SPTB: variants seen among roughly 807,000 people sequenced by gnomAD.
The protein encoded by SPTB is spectrin beta chain, erythrocytic.
Under a neutral mutation model 256.2 loss-of-function variants are expected in SPTB, and 45 were observed. The observed-to-expected ratio is 0.18, with a 90% CI of 0.14 to 0.23. The LOEUF is 0.23. Ranked by LOEUF, SPTB falls within the 10% of genes least tolerant of loss-of-function variation. The probability of loss-of-function intolerance (pLI) is 1.00; values close to 1 mark genes in which losing one functional copy is unlikely to be tolerated. For synonymous variants in SPTB, 1,231 were observed against 1,243.1 expected, an observed-to-expected ratio of 0.99 and a Z score of 0.21; for missense variants, 2,715 against 3,040.4, an observed-to-expected ratio of 0.89 and a Z score of 2.52.
In SPTB at chr14:64,764,885, G is replaced by T. The variant is rs1353512373; in HGVS notation, c.6345+1841C>A. Among the ~76,000 whole-genome samples, 1 of 152,136 alleles carries T rather than the reference G, an allele frequency of 6.6e-6. No homozygotes were observed. Among genetic ancestry groups the T allele is most frequent in the African/African-American group, 2.4e-5 (1 of 41,416 alleles). ...CAGACAGGGAGGCGACCCCACATGC[G>T]ATGACGGGAGCTTCGGAGGGAACTT... On this transcript the variant is annotated intron_variant, in intron 32 of 35. Coordinates refer to ENST00000644917, the MANE Select transcript of SPTB (RefSeq NM_001355436.2). This position sits in a 1 kb window ranked among gnomAD's most constrained non-coding sequence, Gnocchi z 4.2.
At chr14:64,875,137 G>A (rs1206926156) in intron 1 of SPTB, among the ~76,000 whole-genome samples, 1 of 152,232 alleles carries the variant, frequency 6.6e-6, no homozygotes, top group African/African-American at 2.4e-5. Context: ...AGGGCTTGCT[G>A]AGGTAGGAAG....
At chr14:64,788,176 C>T (rs960468088) in intron 15 of SPTB, among the ~76,000 whole-genome samples, 10 of 152,174 alleles carry the variant, frequency 6.6e-5, no homozygotes, top group African/African-American at 1.2e-4. Context: ...CAGTTGCTCA[C>T]GTGACCTCCA....
At chr14:64,822,351 T>TTCTCTCTC (rs200994413) in intron 2 of SPTB, among the ~76,000 whole-genome samples, 14 of 8,214 alleles carry the variant, frequency 1.7e-3, no homozygotes, top group African/African-American at 2.6e-3. Context: ...CACCCCCACC[T>TTCTCTCTC]TCTCTCTCTC....
At chr14:64,820,039 C>T (rs374721567) in intron 2 of SPTB, among the ~76,000 whole-genome samples, 27 of 152,254 alleles carry the variant, frequency 1.8e-4, no homozygotes, top group African/African-American at 6.0e-4. Context: ...CATGTTCCTC[C>T]TCACCCCAGG....
chr14:64,771,090 C>T lies in SPTB; in HGVS notation c.5593G>A (p.Ala1865Thr). The T allele has an allele frequency of 6.2e-7, 1 of 1,614,130 alleles. No individual in the cohort carries two copies. The highest frequency in any genetic ancestry group is 1.1e-5 in the South Asian group (1 of 91,090). ...GCCTCTGCCTTCTCCCCAGCATATG[C>T]TGTCTGCAGACGGGTGGCCACGTCC... is the stretch of plus-strand genomic sequence containing the variant. ...FQDVATRLQTAYAGEKAEAIQ... is the reference protein window; with the variant it reads ...FQDVATRLQTTYAGEKAEAIQ... The change falls in exon 27 of 36, where the codon GCA becomes ACA. Residue 1865 changes from alanine to threonine, a missense_variant. Ala to Thr is a moderately conservative substitution (Grantham distance 58, BLOSUM62 0). Around this residue, in one of 4 missense-constraint regions of SPTB, gnomAD observed 2,239 missense variants for 2,384.4 expected, o/e 0.94. Coordinates refer to ENST00000644917, the MANE Select transcript of SPTB (RefSeq NM_001355436.2).
chr14:64,871,013 C>A (rs562307406), intron 1 of SPTB, among the ~76,000 whole-genome samples: 15 of 152,288 alleles, frequency 9.8e-5, no homozygotes, highest in Admixed American at 7.8e-4. Flanking sequence ...GATGGCTGCA[C>A]AGCAATGTGA....
At chr14:64,774,046 G>A (rs2082318662) in intron 24 of SPTB, among the ~76,000 whole-genome samples, 1 of 152,198 alleles carries the variant, frequency 6.6e-6, no homozygotes, top group Non-Finnish European at 1.5e-5. Flanking sequence ...TGAAGTCCTG[G>A]AGACCTTCTG....
intron 1 of SPTB, among the ~76,000 whole-genome samples, chr14:64,830,332 GTCT>G (rs1378337715): frequency 8.1e-5 from 9 of 110,632 alleles, no homozygotes; most frequent in Admixed American, 5.5e-4. Flanking sequence ...AAACTCTGGA[GTCT>G]TATTATTATT....
rs200197418 is a variant in SPTB, at chr14:64,791,796, G to A, written c.2727C>T (p.Leu909=). The part of the protein sequence containing the change: ...TLMTQIDGVN[L]AANSLVESGH... The stretch of plus-strand genomic sequence containing the variant: ...CACTCTCTACCAAGCTGTTGGCAGC[G>A]AGGTTCACACCATCAATCTGAGTCA... Residue 909 remains leucine, a synonymous_variant, in exon 15 of 36, where the codon CTC becomes CTT. Coordinates refer to ENST00000644917, the MANE Select transcript of SPTB (RefSeq NM_001355436.2). 69 of 1,614,124 alleles carry A rather than the reference G, an allele frequency of 4.3e-5. No homozygotes were observed. Among genetic ancestry groups the A allele is most frequent in the Middle Eastern group, 3.3e-4 (2 of 6,062 alleles).
intron 1 of SPTB, among the ~76,000 whole-genome samples, chr14:64,831,323 T>C (rs1420640314): frequency 6.6e-6 from 1 of 152,260 alleles, no homozygotes; most frequent in Non-Finnish European, 1.5e-5. Context: ...GTCTTTCCTA[T>C]CTTCAGCAAA....
rs1411013976 is a variant in SPTB at position 64,774,476 on chromosome 14, C to T, written c.4894G>A (p.Ala1632Thr). 4 of 1,557,064 alleles carry T rather than the reference C, an allele frequency of 2.6e-6. No individual in the cohort carries two copies. Among genetic ancestry groups the T allele is most frequent in the Middle Eastern group, 3.3e-4 (2 of 6,002 alleles). ...ATGTTCCGGCCGTAGTCCTCCACCG[C>T]ACGCTGCTGCCGCAAATGTCGCTTC... The part of the protein sequence containing the change: ...MLKRHLRQQR[A>T]VEDYGRNIKQ... Residue 1632 changes from alanine (A) to threonine (T), a missense_variant, in exon 24 of 36, where the codon GCG becomes ACG. Physicochemically the swap from Ala to Thr is moderately conservative, Grantham distance 58. Coordinates refer to ENST00000644917, the MANE Select transcript of SPTB (RefSeq NM_001355436.2).
chr14:64,775,348 C>T lies in SPTB; in HGVS notation c.4619G>A (p.Arg1540Lys). 6.2e-7 allele frequency: 1 copy of T among 1,613,436 alleles called. No homozygotes were observed. Among genetic ancestry groups the T allele is most frequent in the Non-Finnish European group, 8.5e-7 (1 of 1,179,690 alleles). The change falls in exon 23 of 36, where the codon AGA (arginine) becomes AAA (lysine). Residue 1540 changes from arginine to lysine, a missense_variant. This residue lies in a region of SPTB where 2,239 missense variants were observed against 2,384.4 expected (regional missense o/e 0.94). Coordinates refer to ENST00000644917, the MANE Select transcript of SPTB (RefSeq NM_001355436.2). This position sits in a 1 kb window ranked among gnomAD's most constrained non-coding sequence, Gnocchi z 5.0. The part of the protein sequence containing the change: ...HTPRVEDVLQ[R>K]GQQLVEAAEI... ...CGCCGCCTCCACCAGCTGCTGCCCT[C>T]TCTGCAGCACATCCTCAACCCGCGG...
At chr14:64,784,517 AC>A in intron 18 of SPTB, 124 bp from the exon 19 acceptor site, 1 of 1,288,786 alleles carries the variant, frequency 7.8e-7, no homozygotes, top group Non-Finnish European at 1.1e-6. Flanking sequence ...ACAGAAGAGA[AC>A]CCATCTGCAG....
chr14:64,873,000 G>A (rs1381476037), intron 1 of SPTB, among the ~76,000 whole-genome samples: 1 of 152,054 alleles, frequency 6.6e-6, no homozygotes, highest in Admixed American at 6.5e-5. Context: ...GTCTTTATTA[G>A]GAGTGTGAGA....
In SPTB at chr14:64,758,872, T is replaced by G. The variant is rs552136133; in HGVS notation, c.6346-5079A>C. 2.5e-4 allele frequency among the ~76,000 whole-genome samples: 37 copies of G among 150,520 alleles called. No homozygotes were observed. Among genetic ancestry groups the G allele is most frequent in the African/African-American group, 8.1e-4 (33 of 40,812 alleles). On this transcript the variant is annotated intron_variant, in intron 32 of 35. Transcript: ENST00000644917. This position sits in a 1 kb window ranked among gnomAD's most constrained non-coding sequence, Gnocchi z 4.6. The stretch of plus-strand genomic sequence containing the variant: ...AAGATCTTTTGCAATTCATAAGAGA[T>G]AAGGAATTTCTCTGGGGCCTTTTAT...
chr14:64,769,466 G>A (rs1205074127), intron 28 of SPTB, 124 bp downstream of exon 28: 7 of 1,336,336 alleles, frequency 5.2e-6, no homozygotes, highest in Non-Finnish European at 7.3e-6. Flanking sequence ...CGATCTCCAT[G>A]AGTGAGAGCA....
At chr14:64,750,814 CTTT>C (rs1462798979) in intron 33 of SPTB, among the ~76,000 whole-genome samples, 1 of 145,966 alleles carries the variant, frequency 6.9e-6, no homozygotes, top group African/African-American at 2.5e-5. Context: ...TTTATATATA[CTTT>C]TATTATATAA....
chr14:64,795,836 C>G lies in SPTB; in HGVS notation c.1342-197G>C, dbSNP rs2082759127. Among the ~76,000 whole-genome samples, 1 of 152,188 alleles carries G rather than the reference C, an allele frequency of 6.6e-6. No individual in the cohort carries two copies. The highest frequency in any genetic ancestry group is 2.1e-4 in the South Asian group (1 of 4,832). On this transcript the variant is annotated intron_variant, in intron 11 of 35. Coordinates refer to ENST00000644917, the MANE Select transcript of SPTB (RefSeq NM_001355436.2). The surrounding 1 kb of genome is among the most constrained non-coding windows in gnomAD (Gnocchi z 6.5). ...AAAAATTAATGTCTCACAAGAGACT[C>G]TAAGAGAAGTTCATGATTTTACTCC...
chr14:64,851,412 C>T (rs230721), intron 1 of SPTB, among the ~76,000 whole-genome samples: 141,654 of 152,248 alleles, frequency 0.93, 66,538 homozygotes, highest in Non-Finnish European at 0.98. Context: ...ATACCCAGAA[C>T]AATGCCTAGC....
Sources: allele counts gnomAD v4.1 joint callset (sites outside exome capture counted in the v4.1 genomes callset), GRCh38; gene constraint gnomAD v4.1.1; regional missense constraint gnomAD v4.1.1; non-coding constraint Gnocchi (gnomAD v3.1); transcripts MANE v1.5; gene names NCBI Gene and HGNC (gene_info 2026-07-23, HGNC 2026-07-21).